Variants in NR2C2 observed in about 807,000 individuals in gnomAD.
NR2C2 encodes nuclear receptor subfamily 2 group C member 2, also known as Nuclear hormone receptor TR4.
NR2C2 carries 6 observed loss-of-function variants against 62.9 expected under a neutral mutation model. The ratio of observed to expected loss-of-function variants is 0.10; its 90% CI spans 0.05 to 0.19. The LOEUF (loss-of-function observed/expected upper bound fraction) is 0.19, where lower values mean the gene tolerates loss of function less well. Ranked by LOEUF, NR2C2 falls within the 10% of genes least tolerant of loss-of-function variation. The pLI, the probability that NR2C2 is intolerant of heterozygous loss-of-function variation, is 1.00. For synonymous variants in NR2C2, 272 were observed against 273.8 expected, an observed-to-expected ratio of 0.99 and a Z score of 0.07; for missense variants, 479 against 762.7, an observed-to-expected ratio of 0.63 and a Z score of 4.38.
chr3:15,017,982 GA>G (rs1265818113), intron 4 of NR2C2, among the ~76,000 whole-genome samples: 3 of 152,310 alleles, frequency 2.0e-5, no homozygotes, highest in Non-Finnish European at 2.9e-5. Flanking sequence ...TTGTGAATAA[GA>G]AAGCTAAACT....
At chr3:14,981,921 T>C (rs1363057885) in intron 1 of NR2C2, among the ~76,000 whole-genome samples, 1 of 152,232 alleles carries the variant, frequency 6.6e-6, no homozygotes. Context: ...TGTACGCTTT[T>C]ATCCTAGCTG....
intron 2 of NR2C2, among the ~76,000 whole-genome samples, chr3:15,007,126 CTCTT>C (rs1425150113): frequency 1.4e-5 from 2 of 146,344 alleles, no homozygotes; most frequent in Non-Finnish European, 3.0e-5. Flanking sequence ...TCCCTGACCT[CTCTT>C]TTTTTTTTTT....
At chr3:15,021,105 C>A (rs944743527) in intron 5 of NR2C2, among the ~76,000 whole-genome samples, 173 bp downstream of exon 5, 9 of 152,166 alleles carry the variant, frequency 5.9e-5, no homozygotes, top group African/African-American at 2.2e-4. Flanking sequence ...GCCAACGCTG[C>A]AGGGGTTGGT....
rs556872694 is a variant in NR2C2, at chr3:15,015,492, C to G, written c.274-660C>G. ...TTTGGTTATTTCTCTGCCAATACAC[C>G]TCTTTGCGTACATTCAAGTTGTTAC... On this transcript the variant is annotated intron_variant, in intron 3 of 13. Transcript: ENST00000425241. 2.2e-4 allele frequency among the ~76,000 whole-genome samples: 33 copies of G among 152,290 alleles called. No homozygotes were observed. In the South Asian group the frequency reaches 4.6e-3, roughly 21 times the overall value.
At chr3:15,034,471 A>G (rs561593604) in intron 10 of NR2C2, 199 bp from the exon 11 acceptor site, 13 of 499,488 alleles carry the variant, frequency 2.6e-5, no homozygotes, top group Non-Finnish European at 4.2e-5. Flanking sequence ...GTTGATCATT[A>G]GAAGGATTTT....
intron 1 of NR2C2, among the ~76,000 whole-genome samples, chr3:14,963,411 A>G (rs1046724282): frequency 1.3e-5 from 2 of 152,242 alleles, no homozygotes; most frequent in Admixed American, 1.3e-4. Flanking sequence ...AAGCTCTTCC[A>G]ATTAACCATG....
intron 2 of NR2C2, among the ~76,000 whole-genome samples, chr3:15,010,117 TCTC>T (rs922390536): frequency 1.3e-5 from 2 of 152,168 alleles, no homozygotes; most frequent in Non-Finnish European, 2.9e-5. Flanking sequence ...GCACAATACC[TCTC>T]CTCCACAGCC....
intron 8 of NR2C2, among the ~76,000 whole-genome samples, chr3:15,029,396 T>G (rs2041908204): frequency 1.3e-5 from 2 of 152,328 alleles, no homozygotes; most frequent in African/African-American, 2.4e-5. Context: ...GCAGTTTGGC[T>G]CTTGTGCTCT....
rs2040324624 is a variant in NR2C2 at position 14,980,185 on chromosome 3, C to G, written c.-39-23691C>G. 3.3e-5 allele frequency among the ~76,000 whole-genome samples: 5 copies of G among 152,142 alleles called. No homozygotes were observed. The South Asian group carries it at 1.0e-3, about 32-fold the overall frequency. ...GGGTGTTAGGGAACAGGGTCTCACT[C>G]TGTCACCTAGGCTGAAGAGCAGAGG... is the stretch of plus-strand genomic sequence containing the variant. On this transcript the variant is annotated intron_variant, in intron 1 of 13. Coordinates refer to ENST00000425241, the MANE Select transcript of NR2C2 (RefSeq NM_001291694.2).
intron 1 of NR2C2, among the ~76,000 whole-genome samples, chr3:14,975,746 C>T (rs144522043): frequency 2.8e-4 from 42 of 152,198 alleles, no homozygotes; most frequent in African/African-American, 9.6e-4. Context: ...AATGTTCCCA[C>T]CTCTTCAGTG....
chr3:15,020,274 G>T (rs1019927597), intron 4 of NR2C2, among the ~76,000 whole-genome samples: 1 of 152,174 alleles, frequency 6.6e-6, no homozygotes, highest in Non-Finnish European at 1.5e-5. Context: ...AATCAGAGAG[G>T]GGCTAAATGC....
chr3:15,005,196 C>CT (rs938321920), intron 2 of NR2C2, among the ~76,000 whole-genome samples: 9 of 150,840 alleles, frequency 6.0e-5, no homozygotes, highest in Middle Eastern at 6.9e-3. Flanking sequence ...GACATTTTTT[C>CT]TTTTTTTTGA....
At position 15,043,005 on chromosome 3, in the gene NR2C2, A is replaced by G. The variant is rs1280590566; in HGVS notation, c.1788A>G (p.Leu596=). The G allele has an allele frequency of 3.7e-6, 6 of 1,613,782 alleles. No homozygotes were observed. Among genetic ancestry groups the G allele is most frequent in the South Asian group, 1.1e-5 (1 of 91,058 alleles). Residue 596 remains leucine (L), a synonymous_variant, in exon 14 of 14, where the codon CTA becomes CTG. Transcript: ENST00000425241. ...EYNGQITGAS[L] is the part of the protein sequence containing the mutation. ...ATGGCCAGATCACCGGAGCCAGTCT[A>G]TAGCGCAAACCACACACCTGCCAAG...
At chr3:15,032,237 C>A in intron 9 of NR2C2, 142 bp from the exon 10 acceptor site, 1 of 1,135,946 alleles carries the variant, frequency 8.8e-7, no homozygotes, top group Non-Finnish European at 1.3e-6. Context: ...CCGTGCAAGC[C>A]CCCCGACTGC....
rs2041087035 is a variant in NR2C2, at chr3:15,003,751, C to G, written c.-39-125C>G. ...TTGCTTTGTCATCATCCTTCTGGGT[C>G]CATACCTCAGAACCATACAAGTTCA... On this transcript the variant is annotated intron_variant, in intron 1 of 13. Coordinates refer to ENST00000425241, the MANE Select transcript of NR2C2 (RefSeq NM_001291694.2). The G allele has an allele frequency of 2.6e-5, 16 of 604,130 alleles. 1 individual carries two copies. The South Asian group carries it at 2.9e-4, about 11-fold the overall frequency. 37.4% of individuals were successfully genotyped at this position (604,130 alleles called of 1,614,324 possible).
At chr3:14,958,340 CT>C (rs796559223) in intron 1 of NR2C2, among the ~76,000 whole-genome samples, 176 of 144,890 alleles carry the variant, frequency 1.2e-3, no homozygotes, top group Non-Finnish European at 1.1e-3. Flanking sequence ...TTCTGTAGCA[CT>C]TTTTTTTTTT....
At chr3:14,969,751 A>G (rs2039981406) in intron 1 of NR2C2, among the ~76,000 whole-genome samples, 1 of 152,220 alleles carries the variant, frequency 6.6e-6, no homozygotes, top group African/African-American at 2.4e-5. Flanking sequence ...TCAGCCATCA[A>G]ATAAGGCCTG....
intron 1 of NR2C2, among the ~76,000 whole-genome samples, chr3:14,975,677 C>A (rs1363626534): frequency 6.6e-6 from 1 of 152,024 alleles, no homozygotes; most frequent in Non-Finnish European, 1.5e-5. Flanking sequence ...TTATAGTTTT[C>A]TTTTGGTGTC....
intron 2 of NR2C2, 59 bp downstream of exon 2, chr3:15,004,045 A>T: frequency 1.4e-6 from 2 of 1,421,776 alleles, no homozygotes; most frequent in South Asian, 2.5e-5. Flanking sequence ...TCCAAAAACA[A>T]ACCTTCCTAA....
Sources: allele counts gnomAD v4.1 joint callset (sites outside exome capture counted in the v4.1 genomes callset), GRCh38; gene constraint gnomAD v4.1.1; transcripts MANE v1.5; gene names NCBI Gene and HGNC (gene_info 2026-07-23, HGNC 2026-07-21).